BCL7C: variants seen among roughly 807,000 people sequenced by gnomAD.
BCL7C encodes BAF chromatin remodeling complex subunit BCL7C, also known as B-cell CLL/lymphoma 7 protein family member C.
A neutral mutation model predicts 26.2 loss-of-function variants in BCL7C; 8 were observed. The observed-to-expected ratio is 0.30, with a 90% CI of 0.18 to 0.55. The LOEUF (loss-of-function observed/expected upper bound fraction) is 0.55. BCL7C is among the 20% of genes least tolerant of loss of function. The pLI is 0.93. For synonymous variants in BCL7C, 90 were observed against 116.5 expected (o/e 0.77, Z 1.47); for missense variants, 262 against 298.5 (o/e 0.88, Z 0.90).
chr16:30,839,925 G>T (rs1030140051), intron 5 of BCL7C, among the ~76,000 whole-genome samples: 5 of 152,200 alleles, frequency 3.3e-5, no homozygotes, highest in African/African-American at 1.2e-4. Context: ...CTCAGCTGGA[G>T]ATAACTTGGG....
At chr16:30,872,262 G>T (rs1221303914) in intron 5 of BCL7C, among the ~76,000 whole-genome samples, 4 of 152,112 alleles carry the variant, frequency 2.6e-5, no homozygotes, top group Admixed American at 1.3e-4. Flanking sequence ...CCAGGAAAGT[G>T]GTCAGTCCTG....
intron 5 of BCL7C, among the ~76,000 whole-genome samples, chr16:30,874,887 C>G (rs1370505588): frequency 2.0e-5 from 3 of 152,180 alleles, no homozygotes; most frequent in African/African-American, 4.8e-5. Context: ...ACGGTCAGCT[C>G]GCGGGTGGAG....
At chr16:30,881,854 C>G (rs574723414) in intron 5 of BCL7C, among the ~76,000 whole-genome samples, 2 of 152,334 alleles carry the variant, frequency 1.3e-5, no homozygotes, top group African/African-American at 2.4e-5. Context: ...ACACCCTGCT[C>G]TCTCCCCATC....
At chr16:30,864,836 C>T (rs1452352466) in intron 5 of BCL7C, among the ~76,000 whole-genome samples, 11 of 144,386 alleles carry the variant, frequency 7.6e-5, no homozygotes, top group African/African-American at 2.6e-4. Flanking sequence ...ATATTCTCCC[C>T]CCCACCCCCA....
At chr16:30,888,667 G>A in intron 5 of BCL7C, 193 bp downstream of exon 5, 2 of 525,662 alleles carry the variant, frequency 3.8e-6, no homozygotes, top group Non-Finnish European at 3.4e-6. Context: ...AATCAGCCCT[G>A]ATCCAGCCCT....
chr16:30,859,636 A>G (rs4889622), intron 5 of BCL7C, among the ~76,000 whole-genome samples: 111,859 of 151,072 alleles, frequency 0.74, 41,680 homozygotes, highest in East Asian at 0.91. Flanking sequence ...CCCCCTCCCC[A>G]CCTTTAAGAA....
chr16:30,872,502 C>T (rs1235955128), intron 5 of BCL7C, among the ~76,000 whole-genome samples: 2 of 152,188 alleles, frequency 1.3e-5, no homozygotes, highest in East Asian at 3.8e-4. Flanking sequence ...TCCAGGCAGG[C>T]AGCACTTCCT....
At chr16:30,841,746 G>C (rs1055370684) in intron 5 of BCL7C, among the ~76,000 whole-genome samples, 1 of 152,016 alleles carries the variant, frequency 6.6e-6, no homozygotes, top group Non-Finnish European at 1.5e-5. Flanking sequence ...ACGAGGTCAG[G>C]AGATCAAGAC....
downstream of BCL7C, chr16:30,887,694 C>G (rs1043874617): frequency 8.8e-7 from 1 of 1,142,140 alleles, no homozygotes; most frequent in African/African-American, 1.6e-5. Flanking sequence ...CAGGAAGGTC[C>G]TCTCAGAGCC....
rs368796023 is a variant in BCL7C, at chr16:30,850,266, C to T, written c.529-15118G>A. Among the ~76,000 whole-genome samples, 56 of 151,392 alleles carry T rather than the reference C, an allele frequency of 3.7e-4. 1 individual carries two copies. In the South Asian group the frequency reaches 0.01, roughly 28 times the overall value. On this transcript the variant is annotated intron_variant, in intron 5 of 5. Coordinates refer to the BCL7C transcript ENST00000380317. ...AAAAAGAAATATGCCTTCCAAATTG[C>T]TGGGATTACAGGCATGAGCCACCAC...
chr16:30,849,507 A>T (rs1187273812), intron 5 of BCL7C, among the ~76,000 whole-genome samples: 5 of 152,140 alleles, frequency 3.3e-5, no homozygotes, highest in African/African-American at 1.2e-4. Flanking sequence ...GCTGGATTGC[A>T]GTAGCACGAT....
rs1409039061 is a variant in BCL7C, at chr16:30,854,701, C to A, written c.529-19553G>T. ...CATCAGCACTCACAGACTCACCACT[C>A]ACTTTCTTTTTTTTTTTTTTTCTGA... On this transcript the variant is annotated intron_variant, in intron 5 of 5. Transcript: ENST00000380317. Among the ~76,000 whole-genome samples the A allele has an allele frequency of 4.1e-5, 5 of 120,918 alleles. No homozygotes were observed. The East Asian group carries it at 9.4e-4, about 23-fold the overall frequency. 79.3% of individuals were successfully genotyped at this position (120,918 alleles called of 152,430 possible). A position where few individuals can be genotyped will look rare whatever the true frequency, so the allele number is the denominator to read the frequency against.
At chr16:30,868,128 G>C (rs2151375968) in intron 5 of BCL7C, among the ~76,000 whole-genome samples, 1 of 83,394 alleles carries the variant, frequency 1.2e-5, no homozygotes, top group Admixed American at 1.5e-4. Context: ...TAAATCTGTG[G>C]GTTTTTTTTT....
At chr16:30,871,075 A>G (rs2054878543) in intron 5 of BCL7C, among the ~76,000 whole-genome samples, 1 of 152,212 alleles carries the variant, frequency 6.6e-6, no homozygotes, top group African/African-American at 2.4e-5. Flanking sequence ...ACTCATCACC[A>G]GAGGGGCCAG....
At chr16:30,873,949 A>G in intron 5 of BCL7C, among the ~76,000 whole-genome samples, 1 of 57,942 alleles carries the variant, frequency 1.7e-5, no homozygotes, top group Non-Finnish European at 3.9e-5. Context: ...ATATAGATAT[A>G]TGTATACACA....
intron 5 of BCL7C, among the ~76,000 whole-genome samples, chr16:30,873,944 G>T (rs145504213): frequency 2.1e-4 from 5 of 23,664 alleles, no homozygotes; most frequent in South Asian, 1.3e-3. Flanking sequence ...TATATATATA[G>T]ATATATGTAT....
intron 5 of BCL7C, among the ~76,000 whole-genome samples, chr16:30,879,786 G>A (rs1246676972): frequency 3.3e-5 from 5 of 150,216 alleles, no homozygotes; most frequent in South Asian, 2.1e-4. Flanking sequence ...TCAGGAGATC[G>A]AGACCATCCT....
intron 4 of BCL7C, among the ~76,000 whole-genome samples, chr16:30,890,708 A>G (rs1020836798): frequency 2.0e-5 from 3 of 148,506 alleles, no homozygotes; most frequent in African/African-American, 7.5e-5. Flanking sequence ...AAATTAGGCC[A>G]GGCACGGTGG....
chr16:30,892,683 A>G lies in BCL7C; in HGVS notation c.345T>C (p.Pro115=), dbSNP rs1375404208. 5 of 1,614,074 alleles carry G rather than the reference A, an allele frequency of 3.1e-6. No homozygotes were observed. The highest frequency in any genetic ancestry group is 2.2e-5 in the East Asian group (1 of 44,870). The change falls in exon 4 of 6, where the codon CCT becomes CCC. Residue 115 remains proline, a synonymous_variant. Transcript: ENST00000215115. ...GGCGGCTGGGCTGGGGGGTGCCCCC[A>G]GGACTGGGCTCTGTGCCCTTTTGCA... is the stretch of plus-strand genomic sequence containing the variant. ...GSLQKGTEPS[P]GGTPQPSRPV...
Sources: allele counts gnomAD v4.1 joint callset (sites outside exome capture counted in the v4.1 genomes callset), GRCh38; gene constraint gnomAD v4.1.1; transcripts MANE v1.5; gene names NCBI Gene and HGNC (gene_info 2026-07-23, HGNC 2026-07-21).